WDFY3: variants seen among roughly 807,000 people sequenced by gnomAD.
WDFY3 encodes WD repeat and FYVE domain-containing protein 3.
In WDFY3, 66 loss-of-function variants were observed where a neutral mutation model predicts 409.6. The observed-to-expected ratio is 0.16, with a 90% CI of 0.13 to 0.20. The LOEUF (loss-of-function observed/expected upper bound fraction) is 0.20. Among genes scored for constraint, WDFY3 ranks in the 10% least tolerant of loss-of-function variants. The pLI, the probability that WDFY3 is intolerant of heterozygous loss-of-function variation, is 1.00. For missense variants in WDFY3, 3,031 were observed against 4,298.1 expected (o/e 0.71, Z 8.24); for synonymous variants, 1,521 against 1,537.1 (o/e 0.99, Z 0.25).
chr4:84,795,354 C>T (rs535383040), intron 19 of WDFY3, among the ~76,000 whole-genome samples: 24 of 152,266 alleles, frequency 1.6e-4, no homozygotes, highest in African/African-American at 4.8e-4. Flanking sequence ...TGACTATTCC[C>T]AATCATGTTT....
chr4:84,952,743 C>CA (rs765563963), intron 1 of WDFY3, among the ~76,000 whole-genome samples: 2,404 of 140,822 alleles, frequency 0.017, 22 homozygotes, highest in Middle Eastern at 0.026. Context: ...TCATCTTGAC[C>CA]AAAAAAAAAA....
intron 3 of WDFY3, among the ~76,000 whole-genome samples, chr4:84,873,006 T>C (rs944127208): frequency 3.4e-4 from 52 of 152,066 alleles, no homozygotes; most frequent in Admixed American, 1.1e-3. Flanking sequence ...TTAACGTGTA[T>C]AGGTCTAAAA....
At chr4:84,951,298 T>C (rs1773580070) in intron 1 of WDFY3, among the ~76,000 whole-genome samples, 1 of 152,224 alleles carries the variant, frequency 6.6e-6, no homozygotes, top group Non-Finnish European at 1.5e-5. Context: ...AACATGAACA[T>C]ACAAAAATCT....
intron 45 of WDFY3, 47 bp downstream of exon 45, chr4:84,726,814 C>T (rs1735734304): frequency 5.2e-6 from 8 of 1,537,156 alleles, no homozygotes; most frequent in Non-Finnish European, 6.2e-6. Context: ...AAACAAAAAA[C>T]AAAACTACAA....
chr4:84,691,677 C>A lies in WDFY3; in HGVS notation c.9158G>T (p.Gly3053Val). 1.9e-6 allele frequency: 3 copies of A among 1,614,056 alleles called. No individual in the cohort carries two copies. The South Asian group carries it at 3.3e-5, about 18-fold the overall frequency. Residue 3053 changes from glycine to valine, a missense_variant, in exon 60 of 68, where the codon GGC (glycine) becomes GTC (valine). Around this residue, in one of 16 missense-constraint regions of WDFY3, gnomAD observed 152 missense variants for 193.5 expected, o/e 0.79. Transcript: ENST00000295888. ...PPTWNKTFAW[G>V]YADLSCRLGT... ...CAGTCTGCAACTGAGGTCTGCATAG[C>A]CCCAAGCAAAAGTTTTATTCCAGGT...
chr4:84,893,941 G>C (rs994573448), intron 3 of WDFY3, among the ~76,000 whole-genome samples: 1 of 151,714 alleles, frequency 6.6e-6, no homozygotes, highest in Non-Finnish European at 1.5e-5. Flanking sequence ...ATGAGCCGAG[G>C]CTGCGCCATT....
intron 30 of WDFY3, among the ~76,000 whole-genome samples, chr4:84,771,313 T>C (rs762463505): frequency 6.6e-6 from 1 of 152,176 alleles, no homozygotes; most frequent in Non-Finnish European, 1.5e-5. Flanking sequence ...AATTTTTGTA[T>C]TTTTTGTAGA....
At chr4:84,795,869 T>G (rs1749348151) in intron 19 of WDFY3, among the ~76,000 whole-genome samples, 1 of 152,182 alleles carries the variant, frequency 6.6e-6, no homozygotes, top group African/African-American at 2.4e-5. Flanking sequence ...TTCTTATAGA[T>G]TTTTTAGATT....
chr4:84,679,593 A>C (rs1726974442), intron 64 of WDFY3, among the ~76,000 whole-genome samples: 1 of 151,838 alleles, frequency 6.6e-6, no homozygotes, highest in Admixed American at 6.6e-5. Context: ...TGCTCCTCCA[A>C]AGGTGAGCTT....
intron 2 of WDFY3, among the ~76,000 whole-genome samples, chr4:84,902,305 CAA>C (rs946484384): frequency 6.6e-6 from 1 of 152,098 alleles, no homozygotes; most frequent in Non-Finnish European, 1.5e-5. Flanking sequence ...TCACAGAAAA[CAA>C]GAGGTAGAAT....
chr4:84,894,667 T>A (rs989107519), intron 3 of WDFY3, among the ~76,000 whole-genome samples: 2 of 151,854 alleles, frequency 1.3e-5, no homozygotes, highest in African/African-American at 4.8e-5. Flanking sequence ...ACGCCTGTAT[T>A]CCCAGCTACT....
intron 47 of WDFY3, among the ~76,000 whole-genome samples, chr4:84,719,637 C>T (rs1481534433): frequency 6.6e-6 from 1 of 152,082 alleles, no homozygotes; most frequent in East Asian, 1.9e-4. Context: ...TTCTCTATTG[C>T]AGTATATTTT....
At chr4:84,859,827 G>A (rs1760328562) in intron 4 of WDFY3, among the ~76,000 whole-genome samples, 1 of 151,618 alleles carries the variant, frequency 6.6e-6, no homozygotes, top group South Asian at 2.1e-4. Flanking sequence ...CACCTGCCTT[G>A]GCTTCCTAAA....
chr4:84,813,756 A>G (rs554188756), intron 13 of WDFY3, among the ~76,000 whole-genome samples: 1 of 152,282 alleles, frequency 6.6e-6, no homozygotes, highest in South Asian at 2.1e-4. Context: ...TAAGGTACCA[A>G]AAGAGGAGAA....
At chr4:84,817,292 A>AC in intron 13 of WDFY3, 100 bp downstream of exon 13, 2 of 1,462,362 alleles carry the variant, frequency 1.4e-6, no homozygotes, top group Non-Finnish European at 1.9e-6. Context: ...GGTAATTTGG[A>AC]TTTTTTTTAA....
chr4:84,777,823 A>G (rs1745808220), intron 27 of WDFY3, among the ~76,000 whole-genome samples: 1 of 152,172 alleles, frequency 6.6e-6, no homozygotes, highest in African/African-American at 2.4e-5. Context: ...ACAGGGATAT[A>G]TTACATAAAT....
chr4:84,934,775 T>C (rs965551127), intron 1 of WDFY3, among the ~76,000 whole-genome samples: 1 of 152,106 alleles, frequency 6.6e-6, no homozygotes, highest in African/African-American at 2.4e-5. Flanking sequence ...TTGGTATTGT[T>C]CTACTAATTT....
chr4:84,719,629 C>T lies in WDFY3; in HGVS notation c.7606-1059G>A, dbSNP rs554921967. ...CAATCCTGATGTACTTTAAAAGTTT[C>T]TCTATTGCAGTATATTTTATGCATA... On this transcript the variant is annotated intron_variant, in intron 47 of 67. Transcript: ENST00000295888. Among the ~76,000 whole-genome samples the T allele has an allele frequency of 1.4e-3, 208 of 152,258 alleles. 1 individual carries two copies. The highest frequency in any genetic ancestry group is 4.8e-3 in the African/African-American group (200 of 41,562).
chr4:84,908,229 T>C (rs1044628810), intron 2 of WDFY3, among the ~76,000 whole-genome samples: 9 of 152,182 alleles, frequency 5.9e-5, no homozygotes, highest in African/African-American at 2.2e-4. Context: ...AAAAGGAAAC[T>C]GCAGCTATCC....
Sources: gnomAD v4.1 joint callset for allele counts (sites outside exome capture counted in the v4.1 genomes callset) on GRCh38, gnomAD v4.1.1 for gene constraint, gnomAD v4.1.1 regional missense constraint, MANE v1.5 for transcripts, NCBI Gene and HGNC (gene_info 2026-07-23, HGNC 2026-07-21) for gene names.